Variants in PKD2L2 observed in about 807,000 individuals in gnomAD.
PKD2L2 encodes the protein polycystin-2-like protein 2.
Under a neutral mutation model 83.9 loss-of-function variants are expected in PKD2L2, and 67 were observed. The ratio of observed to expected loss-of-function variants is 0.80; its 90% CI spans 0.66 to 0.98. The LOEUF (loss-of-function observed/expected upper bound fraction) is 0.98. Among genes scored for constraint, PKD2L2 ranks in the 50% least tolerant of loss-of-function variants. The pLI, the probability that PKD2L2 is intolerant of heterozygous loss-of-function variation, is 0.00. For synonymous variants in PKD2L2, 223 were observed against 237.8 expected (o/e 0.94, Z 0.57); for missense variants, 632 against 717.2 (o/e 0.88, Z 1.36).
chr5:137,907,871 A>G lies in PKD2L2; in HGVS notation c.1105A>G (p.Asn369Asp), dbSNP rs762524429. 1.3e-6 allele frequency: 2 copies of G among 1,493,770 alleles called. No individual in the cohort carries two copies. Among genetic ancestry groups the G allele is most frequent in the East Asian group, 2.3e-5 (1 of 44,046 alleles). 92.5% of individuals were successfully genotyped at this position (1,493,770 alleles called of 1,614,324 possible). A position where few individuals can be genotyped will look rare whatever the true frequency, so the allele number is the denominator to read the frequency against. Residue 369 changes from asparagine (N) to aspartate (D), a missense_variant, in exon 7 of 15, where the codon AAT becomes GAT. Transcript: ENST00000508883. ...TCTTGCATGCTGGCACATTTATTAC[A>G]ATAATATAATTGCTATTACCATCTT... ...YFLACWHIYY[N>D]NIIAITIFFA...
At chr5:137,907,614 A>C (rs1030162768) in intron 6 of PKD2L2, 128 bp from the exon 7 acceptor site, 6 of 469,072 alleles carry the variant, frequency 1.3e-5, no homozygotes, top group Admixed American at 8.2e-5. Flanking sequence ...ATGTAAAAGC[A>C]TATGTCCTAT....
At chr5:137,939,893 G>C in intron 14 of PKD2L2, 1 of 1,338,968 alleles carries the variant, frequency 7.5e-7, no homozygotes, top group South Asian at 2.2e-5. Context: ...ATAACAAAAA[G>C]CTTGCATTTC....
chr5:137,933,849 A>G (rs1411991747), intron 12 of PKD2L2, among the ~76,000 whole-genome samples: 2 of 152,120 alleles, frequency 1.3e-5, no homozygotes, highest in African/African-American at 4.8e-5. Context: ...CTCAACACAT[A>G]AATAACCACT....
chr5:137,941,220 T>TTTTTAACA (rs1423967833), intron 14 of PKD2L2, among the ~76,000 whole-genome samples: 1 of 152,146 alleles, frequency 6.6e-6, no homozygotes, highest in Non-Finnish European at 1.5e-5. Context: ...CTTCAGATTT[T>TTTTTAACA]TTTTTAACCA....
chr5:137,890,139 T>C (rs1208368155), intron 1 of PKD2L2: 5 of 172,970 alleles, frequency 2.9e-5, no homozygotes, highest in Non-Finnish European at 6.0e-5. Context: ...GAAAATTAGC[T>C]GGGTGTGGTG....
chr5:137,923,813 T>TA (rs1228286529), intron 10 of PKD2L2, among the ~76,000 whole-genome samples: 1 of 152,198 alleles, frequency 6.6e-6, no homozygotes, highest in African/African-American at 2.4e-5. Context: ...CGCTGCTGAG[T>TA]ATTATAATAA....
chr5:137,895,043 C>A (rs2150001911), intron 4 of PKD2L2, among the ~76,000 whole-genome samples: 1 of 152,296 alleles, frequency 6.6e-6, no homozygotes, highest in East Asian at 1.9e-4. Flanking sequence ...TTTTCTGTTG[C>A]TGCCCCTACT....
intron 8 of PKD2L2, 38 bp from the exon 9 acceptor site, chr5:137,921,598 T>TG (rs1450760429): frequency 1.5e-6 from 2 of 1,328,880 alleles, no homozygotes; most frequent in Admixed American, 3.7e-5. Context: ...TGTATGTACA[T>TG]AAAGGTATAT....
At chr5:137,914,436 C>T (rs1758141375) in intron 8 of PKD2L2, among the ~76,000 whole-genome samples, 1 of 152,062 alleles carries the variant, frequency 6.6e-6, no homozygotes, top group Non-Finnish European at 1.5e-5. Flanking sequence ...CTTCTGGTTC[C>T]AAGCATATCA....
chr5:137,908,233 C>T (rs531522437), intron 7 of PKD2L2, among the ~76,000 whole-genome samples: 43 of 151,982 alleles, frequency 2.8e-4, no homozygotes, highest in East Asian at 7.8e-4. Flanking sequence ...CCCTTGAGCC[C>T]GTGAAGTGGA....
At chr5:137,902,804 CAAA>C (rs1757075708) in intron 5 of PKD2L2, among the ~76,000 whole-genome samples, 1 of 152,174 alleles carries the variant, frequency 6.6e-6, no homozygotes, top group African/African-American at 2.4e-5. Flanking sequence ...GAAGCCATCT[CAAA>C]GAAATGGAGC....
intron 8 of PKD2L2, among the ~76,000 whole-genome samples, 190 bp from the exon 9 acceptor site, chr5:137,921,446 G>T (rs1305005517): frequency 1.3e-5 from 2 of 151,838 alleles, no homozygotes; most frequent in African/African-American, 4.8e-5. Context: ...CAGCTATCGA[G>T]GTACCTTAAG....
intron 5 of PKD2L2, among the ~76,000 whole-genome samples, chr5:137,901,402 C>T (rs1165880227): frequency 3.9e-5 from 3 of 77,492 alleles, no homozygotes; most frequent in African/African-American, 7.6e-5. Flanking sequence ...ACAATAGTGC[C>T]CTATTCTGGA....
In PKD2L2 at chr5:137,925,941, AT is replaced by A; in HGVS notation, c.1671+19del. Reference sequence around the variant, plus strand: ...GCTTTGACGAAAATGTAAGATTTTAATTTTTTTCATAAACACTAGTGGTAGC... The same window carrying A: ...GCTTTGACGAAAATGTAAGATTTTAATTTTTTCATAAACACTAGTGGTAGC... On this transcript the variant is annotated intron_variant, in intron 12 of 14. Coordinates refer to ENST00000508883, the MANE Select transcript of PKD2L2 (RefSeq NM_001300921.2). 1.9e-6 allele frequency: 3 copies of A among 1,543,596 alleles called. No homozygotes were observed. Among genetic ancestry groups the A allele is most frequent in the Non-Finnish European group, 2.7e-6 (3 of 1,120,398 alleles).
intron 6 of PKD2L2, among the ~76,000 whole-genome samples, chr5:137,907,026 G>C (rs1455847373): frequency 6.6e-6 from 1 of 152,158 alleles, no homozygotes; most frequent in Non-Finnish European, 1.5e-5. Context: ...CAAATGTTAA[G>C]AGTTTGGTCT....
chr5:137,889,865 G>A, intron 1 of PKD2L2: 1 of 307,448 alleles, frequency 3.3e-6, no homozygotes. Flanking sequence ...CCCCTGTCCA[G>A]CAGAAACCAG....
chr5:137,892,340 T>G (rs1249757302), intron 2 of PKD2L2, 140 bp from the exon 3 acceptor site: 4 of 423,542 alleles, frequency 9.4e-6, no homozygotes, highest in African/African-American at 6.2e-5. Context: ...TATTTCTAGT[T>G]TAGATTTTTT....
chr5:137,899,464 A>G (rs1346658365), intron 4 of PKD2L2, 52 bp from the exon 5 acceptor site: 1 of 1,187,196 alleles, frequency 8.4e-7, no homozygotes, highest in East Asian at 2.3e-5. Flanking sequence ...TTCTTAGAAT[A>G]CTTCTCAGTT....
chr5:137,920,563 C>T (rs1257819350), intron 8 of PKD2L2, among the ~76,000 whole-genome samples: 1 of 151,802 alleles, frequency 6.6e-6, no homozygotes. Context: ...TCGAGACCAG[C>T]CTGGACAAGA....
Sources: gnomAD v4.1 joint callset for allele counts (sites outside exome capture counted in the v4.1 genomes callset) on GRCh38, gnomAD v4.1.1 for gene constraint, MANE v1.5 for transcripts, NCBI Gene and HGNC (gene_info 2026-07-23, HGNC 2026-07-21) for gene names.